ABCA7: variants seen among roughly 807,000 people sequenced by gnomAD.
ABCA7 encodes phospholipid-transporting ATPase ABCA7.
Under a neutral mutation model 227.6 loss-of-function variants are expected in ABCA7, and 261 were observed. That is an observed-to-expected ratio of 1.15 (90% CI 1.04 to 1.27). ABCA7 has a LOEUF of 1.27. ABCA7 is among the 50% of genes most tolerant of loss of function. The pLI, the probability that ABCA7 is intolerant of heterozygous loss-of-function variation, is 0.00. For synonymous variants in ABCA7, 1,488 were observed against 1,279.7 expected, an observed-to-expected ratio of 1.16 and a Z score of -3.47; for missense variants, 3,331 against 2,924.5, an observed-to-expected ratio of 1.14 and a Z score of -3.21.
Position 1,047,177 on chromosome 19 carries a change from C to T in ABCA7, c.1866C>T (p.Tyr622=), listed in dbSNP as rs756254280. The T allele has an allele frequency of 2.5e-6, 4 of 1,604,522 alleles. No individual in the cohort carries two copies. The Admixed American group carries it at 5.0e-5, about 20-fold the overall frequency. Residue 622 remains tyrosine, a synonymous_variant, in exon 15 of 47, where the codon TAC becomes TAT. Transcript: ENST00000263094. The part of the protein sequence containing the change: ...LVLKLGDILP[Y]SHPGVVFLFL... ...CACAGCTGGGAGACATCCTCCCCTA[C>T]AGCCACCCGGGCGTGGTCTTCCTGT...
Position 1,052,029 on chromosome 19 carries a change from G to C in ABCA7, c.3050G>C (p.Cys1017Ser), listed in dbSNP as rs886493587. ...GCCGTGGTGGCAGGTGGCCGCTTGT[G>C]CTGCTGTGGCTCCCCACTCTTCCTG... ...RVAVVAGGRL[C>S]CCGSPLFLRR... is the part of the protein sequence containing the mutation. The change falls in exon 22 of 47, where the codon TGC becomes TCC. Residue 1017 changes from cysteine to serine, a missense_variant. Transcript: ENST00000263094. The C allele has an allele frequency of 6.2e-7, 1 of 1,612,144 alleles. No individual in the cohort carries two copies. The highest frequency in any genetic ancestry group is 1.3e-5 in the African/African-American group (1 of 74,908).
rs555368919 is a variant in ABCA7, at chr19:1,050,753, C to A, written c.2553-168C>A. 1.8e-3 allele frequency among the ~76,000 whole-genome samples: 262 copies of A among 149,292 alleles called. 2 individuals carry two copies. The highest frequency in any genetic ancestry group is 3.1e-3 in the Non-Finnish European group (212 of 67,560). On this transcript the variant is annotated intron_variant, in intron 18 of 46. Transcript: ENST00000263094. Reference sequence around the variant, plus strand: ...CGAGATCGTGCCGCTGCACTCCAGCCTGGGCAACAGAGTGAAACTCCGTCT... The same window carrying A: ...CGAGATCGTGCCGCTGCACTCCAGCATGGGCAACAGAGTGAAACTCCGTCT...
chr19:1,060,256 G>C (rs2042571128), intron 40 of ABCA7, among the ~76,000 whole-genome samples: 2 of 148,454 alleles, frequency 1.3e-5, no homozygotes, highest in South Asian at 4.2e-4. Flanking sequence ...CTGTCACCCA[G>C]CTTGGTGTGC....
chr19:1,056,567 G>A lies in ABCA7; in HGVS notation c.4586+68G>A, dbSNP rs1345899761. On this transcript the variant is annotated intron_variant, in intron 33 of 46. Coordinates refer to ENST00000263094, the MANE Select transcript of ABCA7 (RefSeq NM_019112.4). The surrounding 1 kb of genome is among the most constrained non-coding windows in gnomAD (Gnocchi z 4.3). Reference sequence around the variant, plus strand: ...CCTGCCTCCATTTCTCTGTCGTTTGGGGTGGTGGGAGCTGGATTTGAACCC... The same window carrying A: ...CCTGCCTCCATTTCTCTGTCGTTTGAGGTGGTGGGAGCTGGATTTGAACCC... 17 of 1,518,844 alleles carry A rather than the reference G, an allele frequency of 1.1e-5. No individual in the cohort carries two copies. The highest frequency in any genetic ancestry group is 2.0e-5 in the Admixed American group (1 of 50,690). 94.1% of individuals were successfully genotyped at this position (1,518,844 alleles called of 1,614,324 possible). A position where few individuals can be genotyped will look rare whatever the true frequency, so the allele number is the denominator to read the frequency against.
chr19:1,053,921 A>C (rs2042008316), intron 25 of ABCA7, 85 bp downstream of exon 25: 2 of 1,595,318 alleles, frequency 1.3e-6, no homozygotes, highest in Non-Finnish European at 1.7e-6. Context: ...GTGTGGCCCA[A>C]GGCATAGCCT....
Position 1,054,304 on chromosome 19 carries a change from T to C in ABCA7, c.3689T>C (p.Leu1230Pro). ...QLQALLLKRFLLARRSRRGLF... is the reference protein window; with the variant it reads ...QLQALLLKRFPLARRSRRGLF... The stretch of plus-strand genomic sequence containing the variant: ...CAGGCCCTGCTTCTCAAGCGCTTTC[T>C]GCTTGCCCGCCGCAGCCGCCGCGGC... Residue 1230 changes from leucine (L) to proline (P), a missense_variant, in exon 27 of 47, where the codon CTG becomes CCG. Coordinates refer to ENST00000263094, the MANE Select transcript of ABCA7 (RefSeq NM_019112.4). This position sits in a 1 kb window ranked among gnomAD's most constrained non-coding sequence, Gnocchi z 4.8. The C allele has an allele frequency of 6.2e-7, 1 of 1,604,448 alleles. No homozygotes were observed. The highest frequency in any genetic ancestry group is 8.5e-7 in the Non-Finnish European group (1 of 1,179,112).
intron 23 of ABCA7, among the ~76,000 whole-genome samples, chr19:1,052,659 G>GGGGAGGAGT (rs2144849670): frequency 1.0e-5 from 1 of 98,732 alleles, no homozygotes; most frequent in Non-Finnish European, 2.1e-5. Context: ...GTAGGAGGAA[G>GGGGAGGAGT]AGGAGGGGGA....
Position 1,054,919 on chromosome 19 carries a change from C to A in ABCA7, c.3950+41C>A. Reference sequence around the variant, plus strand: ...GGCCTGGACCTTTCCCCTCTCTGGCCTCAGTTTTCCCATCTGGTCCCTGGC... The same window carrying A: ...GGCCTGGACCTTTCCCCTCTCTGGCATCAGTTTTCCCATCTGGTCCCTGGC... On this transcript the variant is annotated intron_variant, in intron 29 of 46. Transcript: ENST00000263094. This position sits in a 1 kb window ranked among gnomAD's most constrained non-coding sequence, Gnocchi z 4.8. 6.4e-7 allele frequency: 1 copy of A among 1,551,534 alleles called. No individual in the cohort carries two copies. Among genetic ancestry groups the A allele is most frequent in the South Asian group, 1.2e-5 (1 of 86,218 alleles).
chr19:1,042,123 C>G lies in ABCA7; in HGVS notation c.362C>G (p.Thr121Arg). The G allele has an allele frequency of 6.3e-7, 1 of 1,599,212 alleles. No individual in the cohort carries two copies. The highest frequency in any genetic ancestry group is 1.1e-5 in the South Asian group (1 of 90,846). Residue 121 changes from threonine to arginine, a missense_variant, in exon 5 of 47, where the codon ACG becomes AGG. Transcript: ENST00000263094. ...CTGGGAGGGGCCAGTGCCCACAGGA[C>G]GCTGGCTGGCCTAGGGAAGCTGATC... ...TVLGGASAHR[T>R]LAGLGKLIAT... is the part of the protein sequence containing the mutation.
chr19:1,065,483 G>A lies in ABCA7; in HGVS notation c.*58G>A, dbSNP rs1224154590. The A allele has an allele frequency of 1.3e-6, 2 of 1,587,868 alleles. No homozygotes were observed. The highest frequency in any genetic ancestry group is 2.7e-5 in the African/African-American group (2 of 74,350). On this transcript the variant is annotated 3_prime_UTR_variant, in exon 47 of 47. Coordinates refer to ENST00000263094, the MANE Select transcript of ABCA7 (RefSeq NM_019112.4). ...CTGGGAATGGCAAGGGCAAGGTAGA[G>A]TGCCTAGGAGCCCTGGACTCAGGCT... is the stretch of plus-strand genomic sequence containing the variant.
chr19:1,045,588 G>T, intron 12 of ABCA7: 1 of 255,400 alleles, frequency 3.9e-6, no homozygotes, highest in Non-Finnish European at 7.6e-6. Flanking sequence ...AGAACTTTGG[G>T]AGGCCAAAGT....
chr19:1,059,574 T>G (rs1241268234), intron 40 of ABCA7, among the ~76,000 whole-genome samples: 2 of 108,860 alleles, frequency 1.8e-5, no homozygotes, highest in East Asian at 5.9e-4. Flanking sequence ...CTATTTTATC[T>G]TTTTTTAGAG....
chr19:1,048,502 A>AAAG, intron 16 of ABCA7, among the ~76,000 whole-genome samples: 3 of 126,336 alleles, frequency 2.4e-5, no homozygotes, highest in African/African-American at 9.3e-5. Flanking sequence ...GTCTCAAAAA[A>AAAG]AAAAAAACAA....
chr19:1,043,674 G>C, intron 9 of ABCA7, 51 bp from the exon 10 acceptor site: 2 of 1,583,146 alleles, frequency 1.3e-6, no homozygotes, highest in Non-Finnish European at 1.7e-6. Flanking sequence ...GGGGTGGGCA[G>C]GGGTCCTCAG....
chr19:1,063,006 C>CCTCCACCCACACCA (rs1568422899), intron 42 of ABCA7, among the ~76,000 whole-genome samples: 1 of 39,434 alleles, frequency 2.5e-5, no homozygotes, highest in African/African-American at 1.4e-4. Context: ...CATACTCATG[C>CCTCCACCCACACCA]TGGCTCCACC....
In ABCA7 at chr19:1,057,821, G is replaced by T. The variant is rs1274089353; in HGVS notation, c.4881-94G>T. 14 of 1,471,788 alleles carry T rather than the reference G, an allele frequency of 9.5e-6. No individual in the cohort carries two copies. In the East Asian group the frequency reaches 3.2e-4, roughly 34 times the overall value. The allele number at this position is 1,471,788 out of a possible 1,614,324, so 91.2% of individuals were successfully genotyped here. ...ATGTGCTTTGGGTGAAAATGTCAAG[G>T]TCTAAGGCAGAGAAGATGGGAATGG... On this transcript the variant is annotated intron_variant, in intron 35 of 46. Transcript: ENST00000263094.
Position 1,047,519 on chromosome 19 carries a change from G to T in ABCA7, c.2134G>T (p.Glu712Ter). Residue 712 changes from glutamate (E) to a stop codon, truncating the protein, a stop_gained, in exon 16 of 47, where the codon GAG becomes TAG. Transcript: ENST00000263094. LOFTEE classifies it high-confidence loss of function. ...CCTGGCTCTGCTGGAGGAGCAGGGC[G>T]AGGGCGCGCAGTGGCACAACGTGGG... ...ESLALLEEQG[E>*]GAQWHNVGTR... The T allele has an allele frequency of 2.5e-6, 4 of 1,591,054 alleles. No individual in the cohort carries two copies. The highest frequency in any genetic ancestry group is 3.4e-6 in the Non-Finnish European group (4 of 1,174,186).
chr19:1,047,049 C>A (rs2040760272), intron 14 of ABCA7, 25 bp downstream of exon 14: 1 of 1,552,162 alleles, frequency 6.4e-7, no homozygotes, highest in Non-Finnish European at 8.7e-7. Context: ...GCCTGCCCGG[C>A]TGCAGAATGG....
intron 21 of ABCA7, 43 bp from the exon 22 acceptor site, chr19:1,051,899 G>C (rs146530895): frequency 7.5e-6 from 12 of 1,596,306 alleles, no homozygotes; most frequent in Middle Eastern, 2.1e-4. Flanking sequence ...GGGCAAAGAC[G>C]CGGCGGCCTG....
Sources: gnomAD v4.1 joint callset for allele counts (sites outside exome capture counted in the v4.1 genomes callset) on GRCh38, gnomAD v4.1.1 for gene constraint, Gnocchi (gnomAD v3.1) non-coding constraint, MANE v1.5 for transcripts, NCBI Gene and HGNC (gene_info 2026-07-23, HGNC 2026-07-21) for gene names.